The following WDR26 variants were observed in gnomAD, a reference collection of about 807,000 sequenced individuals.
WDR26 encodes the protein WD repeat-containing protein 26.
WDR26 carries 5 observed loss-of-function variants against 84.1 expected under a neutral mutation model. The observed-to-expected ratio is 0.06, with a 90% CI of 0.03 to 0.13. The LOEUF (loss-of-function observed/expected upper bound fraction) is 0.13. Among genes scored for constraint, WDR26 ranks in the 10% least tolerant of loss-of-function variants. WDR26 has a pLI of 1.00. For missense variants in WDR26, 642 were observed against 974.9 expected, an observed-to-expected ratio of 0.66 and a Z score of 4.55; for synonymous variants, 415 against 389.6, an observed-to-expected ratio of 1.07 and a Z score of -0.77.
At chr1:224,389,891 G>C in intron 13 of WDR26, 31 bp from the exon 14 acceptor site, 1 of 1,366,166 alleles carries the variant, frequency 7.3e-7, no homozygotes. Flanking sequence ...ATGTATGGGG[G>C]GCGGGCGGGG....
chr1:224,425,307 G>A (rs1174605258), intron 3 of WDR26, among the ~76,000 whole-genome samples: 3 of 152,174 alleles, frequency 2.0e-5, no homozygotes, highest in Admixed American at 6.5e-5. Context: ...TCTTCTAGGC[G>A]GCTATTAAGG....
In WDR26 at chr1:224,434,017, G is replaced by A. The variant is rs1220669734; in HGVS notation, c.389C>T (p.Pro130Leu). 2.7e-6 allele frequency: 4 copies of A among 1,502,680 alleles called. No homozygotes were observed. Among genetic ancestry groups the A allele is most frequent in the African/African-American group, 2.8e-5 (2 of 72,410 alleles). 93.1% of individuals were successfully genotyped at this position (1,502,680 alleles called of 1,614,324 possible). Residue 130 changes from proline to leucine, a missense_variant, in exon 1 of 14, where the codon CCG (proline) becomes CTG (leucine). Around this residue, in one of 2 missense-constraint regions of WDR26, gnomAD observed 291 missense variants for 302.1 expected, o/e 0.96. Transcript: ENST00000414423. ...CTGGGCCGACAAGCAGGCGAGTTCC[G>A]GGGTCTGTCCCTGGCCCCCGCCGCC...
At chr1:224,395,167 T>G (rs1673226163) in intron 12 of WDR26, among the ~76,000 whole-genome samples, 1 of 152,186 alleles carries the variant, frequency 6.6e-6, no homozygotes, top group African/African-American at 2.4e-5. Context: ...TTTACAACCC[T>G]TCACCTGTAA....
Position 224,389,377 on chromosome 1 carries a change from G to T in WDR26, c.*458C>A, listed in dbSNP as rs1456360387. The T allele has an allele frequency of 3.3e-6, 1 of 301,880 alleles. No homozygotes were observed. Among genetic ancestry groups the T allele is most frequent in the African/African-American group, 2.2e-5 (1 of 46,298 alleles). The allele number at this position is 301,880 out of a possible 1,614,324, so 18.7% of individuals were successfully genotyped here. A position where few individuals can be genotyped will look rare whatever the true frequency, so the allele number is the denominator to read the frequency against. On this transcript the variant is annotated 3_prime_UTR_variant, in exon 14 of 14. Transcript: ENST00000414423. ...GGCGGAAAGATTTGGAGAAACAAAA[G>T]AAGGAAATTCTTTCCTATCCAATGT...
In WDR26 at chr1:224,418,430, T is replaced by C; in HGVS notation, c.1163-14A>G. On this transcript the variant is annotated splice_polypyrimidine_tract_variant and intron_variant, in intron 5 of 13. Transcript: ENST00000414423. The stretch of plus-strand genomic sequence containing the variant: ...GTGGTAAATAGGCTTTAATAGAAGA[T>C]ATTTTAAAAAAGAGAAATAATAATA... The C allele has an allele frequency of 1.3e-6, 2 of 1,578,276 alleles. No homozygotes were observed. The highest frequency in any genetic ancestry group is 1.7e-6 in the Non-Finnish European group (2 of 1,168,232).
At chr1:224,408,618 A>G (rs977226407) in intron 7 of WDR26, among the ~76,000 whole-genome samples, 1 of 145,604 alleles carries the variant, frequency 6.9e-6, no homozygotes, top group Admixed American at 7.1e-5. Flanking sequence ...CCACTCTGCC[A>G]TTACTCATCC....
At position 224,385,940 on chromosome 1, in the gene WDR26, T is replaced by A. The variant is rs953295112; in HGVS notation, c.*3895A>T. 3 of 152,134 alleles carry A rather than the reference T, an allele frequency of 2.0e-5. No individual in the cohort carries two copies. The highest frequency in any genetic ancestry group is 7.2e-5 in the African/African-American group (3 of 41,432). 9.4% of individuals were successfully genotyped at this position (152,134 alleles called of 1,614,324 possible). On this transcript the variant is annotated 3_prime_UTR_variant, in exon 14 of 14. Transcript: ENST00000414423. ...ATCCTAGAACAGCTGTTTCCAGGAC[T>A]TTTTAATGAATCAAGTACTCTCTCT...
intron 3 of WDR26, among the ~76,000 whole-genome samples, chr1:224,427,084 C>T (rs1422493294): frequency 3.7e-5 from 4 of 109,280 alleles, no homozygotes; most frequent in Admixed American, 3.3e-4. Context: ...GCCTGGGCAA[C>T]GAGAGCAAAA....
chr1:224,428,350 A>G (rs1674288920), intron 3 of WDR26, among the ~76,000 whole-genome samples: 1 of 152,232 alleles, frequency 6.6e-6, no homozygotes, highest in Non-Finnish European at 1.5e-5. Flanking sequence ...GGTCATAACC[A>G]AATCTTATCA....
In WDR26 at chr1:224,413,217, CCAAAA is replaced by C; in HGVS notation, c.1320-1657_1320-1653del. ...ACAACAACAACAAAAACCCCCCCCC[CCAAAA>C]AAAACGTTATTTAAACAATAATGGA... On this transcript the variant is annotated intron_variant, in intron 6 of 13. Transcript: ENST00000414423. 5.6e-5 allele frequency: 45 copies of C among 806,906 alleles called. 1 individual carries two copies. Among genetic ancestry groups the C allele is most frequent in the Non-Finnish European group, 6.8e-5 (44 of 644,006 alleles). The allele number at this position is 806,906 out of a possible 1,614,324, so 50.0% of individuals were successfully genotyped here. A position where few individuals can be genotyped will look rare whatever the true frequency, so the allele number is the denominator to read the frequency against.
rs1674157105 is a variant in WDR26, at chr1:224,424,529, A to G, written c.1053T>C (p.His351=). 1 of 1,613,984 alleles carries G rather than the reference A, an allele frequency of 6.2e-7. No individual in the cohort carries two copies. The highest frequency in any genetic ancestry group is 8.5e-7 in the Non-Finnish European group (1 of 1,179,876). The stretch of plus-strand genomic sequence containing the variant: ...CTCAGTTTCCTTACCCACTAAGAAC[A>G]TGAATGCGCTCTGTATTGTATTTCA... Residue 351 remains histidine (H), a synonymous_variant, in exon 4 of 14, where the codon CAT becomes CAC. Coordinates refer to ENST00000414423, the MANE Select transcript of WDR26 (RefSeq NM_001379403.1).
intron 4 of WDR26, among the ~76,000 whole-genome samples, chr1:224,424,230 TAC>T (rs1674148865): frequency 1.3e-5 from 2 of 152,258 alleles, no homozygotes; most frequent in African/African-American, 4.8e-5. Flanking sequence ...TGTTTTTAAC[TAC>T]AAAAGCTGTC....
At position 224,434,470 on chromosome 1, in the gene WDR26, G is replaced by A. The variant is rs1674541217; in HGVS notation, c.-65C>T. On this transcript the variant is annotated 5_prime_UTR_variant, in exon 1 of 14. Transcript: ENST00000414423. ...GGGGCCGGGGAGAGGGTCGGGGTGA[G>A]GGGGGCCGGGGAGGCGGGGAGGGGG... The A allele has an allele frequency of 1.9e-6, 1 of 518,692 alleles. No homozygotes were observed. Among genetic ancestry groups the A allele is most frequent in the Non-Finnish European group, 2.4e-6 (1 of 414,494 alleles). 32.1% of individuals were successfully genotyped at this position (518,692 alleles called of 1,614,324 possible).
intron 8 of WDR26, among the ~76,000 whole-genome samples, chr1:224,402,500 TAAAGA>T (rs1215732739): frequency 1.3e-5 from 2 of 152,182 alleles, no homozygotes; most frequent in Non-Finnish European, 2.9e-5. Flanking sequence ...AAGAAATGAT[TAAAGA>T]AATCTGAAAA....
chr1:224,425,867 CTTTTT>C (rs563148307), intron 3 of WDR26, among the ~76,000 whole-genome samples: 1 of 149,182 alleles, frequency 6.7e-6, no homozygotes, highest in Non-Finnish European at 1.5e-5. Flanking sequence ...TGCTTTTCTT[CTTTTT>C]TTTTTGAGAC....
At position 224,431,798 on chromosome 1, in the gene WDR26, G is replaced by C; in HGVS notation, c.723-17C>G. 6.3e-7 allele frequency: 1 copy of C among 1,589,806 alleles called. No individual in the cohort carries two copies. The highest frequency in any genetic ancestry group is 8.6e-7 in the Non-Finnish European group (1 of 1,162,104). On this transcript the variant is annotated splice_polypyrimidine_tract_variant and intron_variant, in intron 1 of 13. Transcript: ENST00000414423. ...ACAGTCTGGCTGCAGGAAAGATACA[G>C]TGTAAAACAGACCTGACCAATTTTA... is the stretch of plus-strand genomic sequence containing the variant.
chr1:224,403,798 G>A (rs1291389391), intron 8 of WDR26, among the ~76,000 whole-genome samples: 2 of 152,074 alleles, frequency 1.3e-5, no homozygotes, highest in Non-Finnish European at 2.9e-5. Context: ...TTAGCCAGGC[G>A]TTGTGGCGGG....
chr1:224,433,322 C>A (rs1674459122), intron 1 of WDR26, among the ~76,000 whole-genome samples: 1 of 152,230 alleles, frequency 6.6e-6, no homozygotes, highest in East Asian at 1.9e-4. Context: ...TCCACCCCTC[C>A]CCCAACACAT....
chr1:224,421,105 G>A (rs1674048856), intron 4 of WDR26, among the ~76,000 whole-genome samples: 1 of 152,060 alleles, frequency 6.6e-6, no homozygotes, highest in Admixed American at 6.5e-5. Flanking sequence ...CAACTAAAAG[G>A]ACATTGGACT....
Sources: allele counts gnomAD v4.1 joint callset (sites outside exome capture counted in the v4.1 genomes callset), GRCh38; gene constraint gnomAD v4.1.1; regional missense constraint gnomAD v4.1.1; transcripts MANE v1.5; gene names NCBI Gene and HGNC (gene_info 2026-07-23, HGNC 2026-07-21).